PCDHA9: variants seen among roughly 807,000 people sequenced by gnomAD.
PCDHA9 encodes protocadherin alpha 9.
A neutral mutation model predicts 62.0 loss-of-function variants in PCDHA9; 62 were observed. The ratio of observed to expected loss-of-function variants is 1.00; its 90% confidence interval spans 0.81 to 1.23. PCDHA9 has a LOEUF of 1.23. Among genes scored for constraint, PCDHA9 ranks in the 50% most tolerant of loss-of-function variants. The probability of loss-of-function intolerance (pLI) is 0.00; values close to 1 mark genes in which losing one functional copy is unlikely to be tolerated. For missense variants in PCDHA9, 1,205 were observed against 1,249.8 expected, an observed-to-expected ratio of 0.96 and a Z score of 0.54; for synonymous variants, 557 against 567.6, an observed-to-expected ratio of 0.98 and a Z score of 0.27.
chr5:140,862,289 G>T (rs782742229), intron 1 of PCDHA9: 4 of 264,626 alleles, frequency 1.5e-5, no homozygotes, highest in Non-Finnish European at 3.0e-5. Context: ...TGTACAGGAG[G>T]ACGCTCCACT....
chr5:140,889,983 T>C (rs1347862441), intron 1 of PCDHA9, among the ~76,000 whole-genome samples: 1 of 152,208 alleles, frequency 6.6e-6, no homozygotes, highest in Non-Finnish European at 1.5e-5. Flanking sequence ...TCTCCAGTTG[T>C]CTTAGCTTTC....
Position 140,850,388 on chromosome 5 carries a change from C to G in PCDHA9, c.1893C>G (p.Ile631Met). Residue 631 changes from isoleucine to methionine, a missense_variant, in exon 1 of 4, where the codon ATC becomes ATG. Coordinates refer to ENST00000532602, the MANE Select transcript of PCDHA9 (RefSeq NM_031857.2). Reference sequence around the variant, plus strand: ...GCGTGGGGCTGTACACGGGCGAGATCAGCACAACGCGTGCCCTGGACGAAA... The same window carrying G: ...GCGTGGGGCTGTACACGGGCGAGATGAGCACAACGCGTGCCCTGGACGAAA... ...PFRVGLYTGEISTTRALDETD... is the reference protein window; with the variant it reads ...PFRVGLYTGEMSTTRALDETD... 1.9e-6 allele frequency: 3 copies of G among 1,597,966 alleles called. No individual in the cohort carries two copies. In the African/African-American group the frequency reaches 4.0e-5, roughly 21 times the overall value.
At chr5:140,985,682 C>T (rs1261119986) in intron 3 of PCDHA9, among the ~76,000 whole-genome samples, 3 of 151,710 alleles carry the variant, frequency 2.0e-5, no homozygotes, top group African/African-American at 4.8e-5. Flanking sequence ...GCCTGCCTTA[C>T]GCTAATCCTC....
intron 1 of PCDHA9, among the ~76,000 whole-genome samples, chr5:140,915,967 A>G (rs1188377648): frequency 1.3e-5 from 2 of 152,078 alleles, no homozygotes; most frequent in Non-Finnish European, 2.9e-5. Flanking sequence ...TTTGCCTGAT[A>G]TTTTATTTGA....
intron 1 of PCDHA9, among the ~76,000 whole-genome samples, chr5:140,970,970 T>C (rs1554232920): frequency 1.3e-5 from 2 of 152,170 alleles, no homozygotes; most frequent in African/African-American, 2.4e-5. Flanking sequence ...GATTGTAGAT[T>C]AAGAAAAATG....
At chr5:140,986,862 G>A (rs1441287999) in intron 3 of PCDHA9, among the ~76,000 whole-genome samples, 2 of 152,068 alleles carry the variant, frequency 1.3e-5, no homozygotes, top group East Asian at 1.9e-4. Flanking sequence ...AACAATACCC[G>A]GAAACTTGTT....
intron 3 of PCDHA9, among the ~76,000 whole-genome samples, chr5:140,991,982 A>ACCAC (rs2097483325): frequency 6.6e-6 from 1 of 151,494 alleles, no homozygotes; most frequent in African/African-American, 2.4e-5. Context: ...TATTCTGCCT[A>ACCAC]CCACCCGGTC....
At chr5:140,884,509 T>C (rs781917095) in intron 1 of PCDHA9, 3 of 1,612,704 alleles carry the variant, frequency 1.9e-6, no homozygotes, top group Non-Finnish European at 1.7e-6. Flanking sequence ...CGGCAGGGAG[T>C]TGGTCGTACT....
rs79247475 is a variant in PCDHA9 at position 140,982,540 on chromosome 5, C to G, written c.2519C>G (p.Pro840Arg). The G allele has an allele frequency of 4.3e-3, 6,927 of 1,614,122 alleles. 34 individuals are homozygous for G. The highest frequency in any genetic ancestry group is 5.0e-3 in the South Asian group (455 of 91,080). Residue 840 changes from proline to arginine, a missense_variant, in exon 3 of 4, where the codon CCA becomes CGA. Physicochemically the swap from Pro to Arg is moderately radical, Grantham distance 103. Around this residue, in one of 3 missense-constraint regions of PCDHA9, gnomAD observed 887 missense variants for 809.5 expected, o/e 1.10. Transcript: ENST00000532602. ...AGPGGPDQQW[P>R]TVSSATPEPE... ...CCAGGAGGGCCTGATCAGCAGTGGC[C>G]AACAGTATCCAGTGCAACACCAGGT...
intron 1 of PCDHA9, chr5:140,870,432 G>T (rs368823990): frequency 4.3e-6 from 7 of 1,614,134 alleles, no homozygotes; most frequent in Non-Finnish European, 5.1e-6. Flanking sequence ...TATCCGTGGA[G>T]GTGGCCGACG....
chr5:140,849,451 C>T lies in PCDHA9; in HGVS notation c.956C>T (p.Pro319Leu), dbSNP rs2150437889. 5.7e-6 allele frequency: 9 copies of T among 1,586,410 alleles called. 1 individual carries two copies. Among genetic ancestry groups the T allele is most frequent in the Non-Finnish European group, 7.8e-6 (9 of 1,160,978 alleles). Reference protein sequence around the residue: ...DFEESRAHKIPVEAVDKGFPP... With the variant: ...DFEESRAHKILVEAVDKGFPP... ...GAAGAAAGTAGAGCACACAAGATCCCAGTCGAGGCTGTCGATAAAGGCTTC... is the reference window on the plus strand; with the variant it reads ...GAAGAAAGTAGAGCACACAAGATCCTAGTCGAGGCTGTCGATAAAGGCTTC... The change falls in exon 1 of 4, where the codon CCA becomes CTA. Residue 319 changes from proline (P) to leucine (L), a missense_variant. This residue lies in a region of PCDHA9 where 110 missense variants were observed against 227.2 expected (regional missense o/e 0.48). Coordinates refer to ENST00000532602, the MANE Select transcript of PCDHA9 (RefSeq NM_031857.2).
chr5:141,000,359 CTG>C (rs1554257257), intron 3 of PCDHA9, among the ~76,000 whole-genome samples: 2 of 78,146 alleles, frequency 2.6e-5, no homozygotes, highest in South Asian at 4.6e-4. Context: ...CTGTCTCTCT[CTG>C]TCTCTCTCTC....
At chr5:140,888,503 T>C (rs1582952197) in intron 1 of PCDHA9, among the ~76,000 whole-genome samples, 1 of 152,132 alleles carries the variant, frequency 6.6e-6, no homozygotes, top group East Asian at 1.9e-4. Context: ...CTTTAAAGAG[T>C]CTTGGACTTA....
intron 3 of PCDHA9, among the ~76,000 whole-genome samples, chr5:140,990,733 A>G (rs2097410113): frequency 6.6e-6 from 1 of 152,198 alleles, no homozygotes; most frequent in Admixed American, 6.5e-5. Flanking sequence ...GTATATCAAC[A>G]GCCCTAGGGT....
chr5:140,884,060 G>T (rs781956914), intron 1 of PCDHA9: 1 of 1,613,430 alleles, frequency 6.2e-7, no homozygotes, highest in African/African-American at 1.3e-5. Flanking sequence ...GCGCGCGGTG[G>T]ACGCCGATTC....
chr5:140,908,754 A>G (rs1403008536), intron 1 of PCDHA9, among the ~76,000 whole-genome samples: 1 of 152,184 alleles, frequency 6.6e-6, no homozygotes, highest in African/African-American at 2.4e-5. Context: ...ACTTGCACAC[A>G]GCCTGGACGT....
At chr5:140,906,643 G>A (rs1049197869) in intron 1 of PCDHA9, among the ~76,000 whole-genome samples, 14 of 152,222 alleles carry the variant, frequency 9.2e-5, no homozygotes, top group South Asian at 4.1e-4. Context: ...TCAGCAGGTA[G>A]TGGTTTTTTC....
chr5:140,894,375 T>A (rs1246573357), intron 1 of PCDHA9, among the ~76,000 whole-genome samples: 1 of 152,054 alleles, frequency 6.6e-6, no homozygotes, highest in African/African-American at 2.4e-5. Flanking sequence ...ATGGCTCCAA[T>A]TATATTTGTA....
intron 1 of PCDHA9, among the ~76,000 whole-genome samples, chr5:140,911,002 C>A (rs1216727256): frequency 6.6e-6 from 1 of 152,114 alleles, no homozygotes; most frequent in Non-Finnish European, 1.5e-5. Context: ...CCCTAGGGCC[C>A]TCCTGGGACT....
Sources: allele counts gnomAD v4.1 joint callset (sites outside exome capture counted in the v4.1 genomes callset), GRCh38; gene constraint gnomAD v4.1.1; regional missense constraint gnomAD v4.1.1; transcripts MANE v1.5; gene names NCBI Gene and HGNC (gene_info 2026-07-23, HGNC 2026-07-21).